The following DDR2 variants were observed in gnomAD, a reference collection of about 807,000 sequenced individuals.
DDR2 encodes discoidin domain receptor tyrosine kinase 2.
A neutral mutation model predicts 94.9 loss-of-function variants in DDR2; 27 were observed. The observed-to-expected ratio is 0.28, with a 90% CI of 0.21 to 0.39. The LOEUF is 0.39. Among genes scored for constraint, DDR2 ranks in the 10% least tolerant of loss-of-function variants. The probability of loss-of-function intolerance (pLI) is 1.00; values close to 1 mark genes in which losing one functional copy is unlikely to be tolerated. For synonymous variants in DDR2, 382 were observed against 377.2 expected (o/e 1.01, Z -0.15); for missense variants, 783 against 1,076.0 (o/e 0.73, Z 3.81).
intron 2 of DDR2, 43 bp from the exon 3 acceptor site, chr1:162,718,994 T>C (rs897058011): frequency 6.3e-7 from 1 of 1,590,664 alleles, no homozygotes; most frequent in Admixed American, 1.7e-5. Flanking sequence ...ACTCATTTCC[T>C]CTCCTTCTCT....
intron 2 of DDR2, among the ~76,000 whole-genome samples, chr1:162,663,872 A>G (rs1658421276): frequency 6.6e-6 from 1 of 152,148 alleles, no homozygotes; most frequent in African/African-American, 2.4e-5. Context: ...AAGCACCACT[A>G]ATCTTTTTGT....
chr1:162,652,023 G>T lies in DDR2; in HGVS notation c.-191-3188G>T, dbSNP rs746329481. Among the ~76,000 whole-genome samples the T allele has an allele frequency of 1.6e-4, 24 of 152,286 alleles. No individual in the cohort carries two copies. The Middle Eastern group carries it at 0.01, about 65-fold the overall frequency. On this transcript the variant is annotated intron_variant, in intron 1 of 17. Coordinates refer to ENST00000367921, the MANE Select transcript of DDR2 (RefSeq NM_006182.4). ...GGGAAGGGTGTTATCTTTCCTAGTTGGAGCATCATATGATGATGTGGTTGA... is the reference window on the plus strand; with the variant it reads ...GGGAAGGGTGTTATCTTTCCTAGTTTGAGCATCATATGATGATGTGGTTGA...
intron 3 of DDR2, among the ~76,000 whole-genome samples, chr1:162,729,728 ATT>A (rs1661925887): frequency 6.6e-6 from 1 of 150,838 alleles, no homozygotes; most frequent in African/African-American, 2.4e-5. Context: ...GTATTTATTT[ATT>A]TATTTTTATT....
rs1433720646 is a variant in DDR2, at chr1:162,773,575, C to T, written c.1835C>T (p.Ala612Val). The T allele has an allele frequency of 2.5e-6, 4 of 1,614,000 alleles. No individual in the cohort carries two copies. The highest frequency in any genetic ancestry group is 3.4e-6 in the Non-Finnish European group (4 of 1,179,894). Reference sequence around the variant, plus strand: ...CTGGTGGCTGTGAAAATGCTCCGAGCAGATGCCAACAAGAATGCCAGGTCT... The same window carrying T: ...CTGGTGGCTGTGAAAATGCTCCGAGTAGATGCCAACAAGAATGCCAGGTCT... ...PVLVAVKMLRADANKNARNDF... is the reference protein window; with the variant it reads ...PVLVAVKMLRVDANKNARNDF... The change falls in exon 14 of 18, where the codon GCA (alanine) becomes GTA (valine). Residue 612 changes from alanine (A) to valine (V), a missense_variant. Coordinates refer to ENST00000367921, the MANE Select transcript of DDR2 (RefSeq NM_006182.4).
intron 2 of DDR2, among the ~76,000 whole-genome samples, chr1:162,709,671 A>G (rs1358434591): frequency 6.6e-6 from 1 of 152,198 alleles, no homozygotes; most frequent in South Asian, 2.1e-4. Context: ...TCACCAGCAC[A>G]TGCTTCCAAG....
At chr1:162,743,365 C>G (rs569306934) in intron 3 of DDR2, among the ~76,000 whole-genome samples, 1 of 152,092 alleles carries the variant, frequency 6.6e-6, no homozygotes, top group Non-Finnish European at 1.5e-5. Context: ...TCACGTGAAA[C>G]CTTTTTCCCT....
chr1:162,783,676 T>C lies in DDR2; in HGVS notation c.*3430T>C, dbSNP rs892007598. The C allele has an allele frequency of 2.0e-5, 3 of 152,162 alleles. No individual in the cohort carries two copies. Among genetic ancestry groups the C allele is most frequent in the Admixed American group, 2.0e-4 (3 of 15,278 alleles). The allele number at this position is 152,162 out of a possible 1,614,324, so 9.4% of individuals were successfully genotyped here. A position where few individuals can be genotyped will look rare whatever the true frequency, so the allele number is the denominator to read the frequency against. On this transcript the variant is annotated 3_prime_UTR_variant, in exon 18 of 18. Coordinates refer to ENST00000367921, the MANE Select transcript of DDR2 (RefSeq NM_006182.4). Reference sequence around the variant, plus strand: ...ATGATAGAGATGATAAAAATATTTATTAAGAAATGAAGTCAGGTTCAGTGT... The same window carrying C: ...ATGATAGAGATGATAAAAATATTTACTAAGAAATGAAGTCAGGTTCAGTGT...
At chr1:162,717,668 T>C (rs1293350510) in intron 2 of DDR2, among the ~76,000 whole-genome samples, 1 of 152,190 alleles carries the variant, frequency 6.6e-6, no homozygotes, top group Non-Finnish European at 1.5e-5. Flanking sequence ...CTTTATAGAA[T>C]TTCCCCCAAC....
intron 2 of DDR2, among the ~76,000 whole-genome samples, chr1:162,674,240 T>C (rs1032618814): frequency 6.6e-6 from 1 of 152,184 alleles, no homozygotes; most frequent in Non-Finnish European, 1.5e-5. Context: ...ATATGAGCCA[T>C]CAGCAAGGCT....
intron 3 of DDR2, among the ~76,000 whole-genome samples, chr1:162,728,967 T>C (rs990694396): frequency 6.6e-6 from 1 of 152,002 alleles, no homozygotes; most frequent in African/African-American, 2.4e-5. Context: ...ATAGGGTTAC[T>C]GCAGGGGATT....
chr1:162,777,267 T>C (rs1298843347), intron 16 of DDR2, among the ~76,000 whole-genome samples: 1 of 152,160 alleles, frequency 6.6e-6, no homozygotes, highest in Non-Finnish European at 1.5e-5. Context: ...GTGCATGCAT[T>C]TATATACATA....
chr1:162,695,782 A>G (rs895141701), intron 2 of DDR2, among the ~76,000 whole-genome samples: 1 of 152,226 alleles, frequency 6.6e-6, no homozygotes, highest in African/African-American at 2.4e-5. Context: ...TATGCCAGGC[A>G]CTATAAAAAC....
rs137901988 is a variant in DDR2 at position 162,780,294 on chromosome 1, A to G, written c.*48A>G. The G allele has an allele frequency of 8.8e-4, 1,425 of 1,612,952 alleles. 4 individuals carry two copies. Among genetic ancestry groups the G allele is most frequent in the Middle Eastern group, 5.0e-3 (30 of 6,058 alleles). On this transcript the variant is annotated 3_prime_UTR_variant, in exon 18 of 18. Transcript: ENST00000367921. ...TCCTACGGCTCAGGTCCTCCCTACA[A>G]GACCTACCACTCACCCATGCCTATG... is the stretch of plus-strand genomic sequence containing the variant.
At chr1:162,653,749 G>A (rs115727978) in intron 1 of DDR2, among the ~76,000 whole-genome samples, 2,532 of 152,216 alleles carry the variant, frequency 0.017, 75 homozygotes, top group African/African-American at 0.058. Flanking sequence ...TTCTGGAGCA[G>A]TGAGGTAAGC....
chr1:162,729,953 G>A (rs1170445702), intron 3 of DDR2, among the ~76,000 whole-genome samples: 7 of 151,110 alleles, frequency 4.6e-5, no homozygotes, highest in Non-Finnish European at 1.5e-5. Context: ...ATGTTGGTCA[G>A]GCTGGTCTCG....
chr1:162,758,508 G>A (rs2102146047), intron 7 of DDR2, among the ~76,000 whole-genome samples: 1 of 152,130 alleles, frequency 6.6e-6, no homozygotes, highest in African/African-American at 2.4e-5. Flanking sequence ...AAACTTTCCT[G>A]GGATTTATTT....
Position 162,784,574 on chromosome 1 carries a change from A to C in DDR2, c.*4328A>C, listed in dbSNP as rs576224227. 2.4e-4 allele frequency: 36 copies of C among 152,436 alleles called. No individual in the cohort carries two copies. The highest frequency in any genetic ancestry group is 4.1e-4 in the Non-Finnish European group (28 of 68,002). 9.4% of individuals were successfully genotyped at this position (152,436 alleles called of 1,614,324 possible). A position where few individuals can be genotyped will look rare whatever the true frequency, so the allele number is the denominator to read the frequency against. On this transcript the variant is annotated 3_prime_UTR_variant, in exon 18 of 18. Coordinates refer to ENST00000367921, the MANE Select transcript of DDR2 (RefSeq NM_006182.4). The stretch of plus-strand genomic sequence containing the variant: ...CTTAGTAAATGTTTTCAAGAGCTGA[A>C]TTGAGAAGGAAAGAGACTGGAGTGG...
At chr1:162,768,652 A>T (rs146911975) in intron 11 of DDR2, among the ~76,000 whole-genome samples, 74 of 152,158 alleles carry the variant, frequency 4.9e-4, no homozygotes, top group Non-Finnish European at 6.2e-4. Flanking sequence ...AGTAGCCTGC[A>T]ATTCCTTCTG....
At chr1:162,631,182 TTGTGTGTGTGTGTGTGTGTG>T (rs58010976), upstream of DDR2, among the ~76,000 whole-genome samples, 103 of 140,284 alleles carry the variant, frequency 7.3e-4, no homozygotes, top group African/African-American at 2.6e-3. Flanking sequence ...GCCACCCTCA[TTGTGTGTGTGTGTGTGTGTG>T]TGTGTGTGTG....
Sources: gnomAD v4.1 joint callset for allele counts (sites outside exome capture counted in the v4.1 genomes callset) on GRCh38, gnomAD v4.1.1 for gene constraint, MANE v1.5 for transcripts, NCBI Gene and HGNC (gene_info 2026-07-23, HGNC 2026-07-21) for gene names.